The following MCC variants were observed in gnomAD, a reference collection of about 807,000 sequenced individuals.
MCC encodes the protein colorectal mutant cancer protein.
MCC carries 90 observed loss-of-function variants against 116.2 expected under a neutral mutation model. The ratio of observed to expected loss-of-function variants is 0.77; its 90% CI spans 0.65 to 0.92. MCC has a LOEUF of 0.92. Among genes scored for constraint, MCC ranks in the 40% least tolerant of loss-of-function variants. MCC has a pLI of 0.00. For synonymous variants in MCC, 578 were observed against 510.5 expected (o/e 1.13, Z -1.78); for missense variants, 1,516 against 1,312.2 (o/e 1.16, Z -2.40).
chr5:113,063,064 T>C (rs1219523498), intron 14 of MCC, among the ~76,000 whole-genome samples: 1 of 152,220 alleles, frequency 6.6e-6, no homozygotes, highest in African/African-American at 2.4e-5. Context: ...CAGGTTTCCC[T>C]CTTATCACCA....
intron 1 of MCC, chr5:113,436,805 C>G (rs1161438159): frequency 6.6e-6 from 1 of 152,152 alleles, no homozygotes; most frequent in African/African-American, 2.4e-5. Flanking sequence ...AGAGACAGTC[C>G]CTTCTATTGA....
At chr5:113,474,004 T>C (rs974235330) in intron 1 of MCC, among the ~76,000 whole-genome samples, 1 of 152,234 alleles carries the variant, frequency 6.6e-6, no homozygotes, top group African/African-American at 2.4e-5. Context: ...GACCAGTTAG[T>C]AGCAGGGGCA....
chr5:113,238,740 C>T (rs1764246820), intron 3 of MCC, among the ~76,000 whole-genome samples: 1 of 152,288 alleles, frequency 6.6e-6, no homozygotes, highest in East Asian at 1.9e-4. Flanking sequence ...TCCATTCTTA[C>T]CATGGTTTGC....
At chr5:113,246,481 T>C (rs1040744089) in intron 3 of MCC, among the ~76,000 whole-genome samples, 3 of 151,672 alleles carry the variant, frequency 2.0e-5, no homozygotes, top group Admixed American at 2.0e-4. Flanking sequence ...GGGCGAGGGG[T>C]TGTGTAGGAG....
At chr5:113,275,713 C>T (rs571557025) in intron 3 of MCC, among the ~76,000 whole-genome samples, 1 of 152,250 alleles carries the variant, frequency 6.6e-6, no homozygotes, top group Non-Finnish European at 1.5e-5. Context: ...AGCATTCACA[C>T]TGTATTAGCT....
At chr5:113,292,651 C>A (rs145144789) in intron 3 of MCC, among the ~76,000 whole-genome samples, 13 of 152,252 alleles carry the variant, frequency 8.5e-5, no homozygotes, top group Non-Finnish European at 1.9e-4. Flanking sequence ...CAAGGACGTG[C>A]CAATAGGACT....
chr5:113,086,776 T>C (rs1041525604), intron 8 of MCC, among the ~76,000 whole-genome samples: 8 of 149,494 alleles, frequency 5.4e-5, no homozygotes, highest in Non-Finnish European at 1.0e-4. Context: ...CATCAGACTT[T>C]GTCGGGCTGG....
At position 113,265,853 on chromosome 5, in the gene MCC, C is replaced by T. The variant is rs546087820; in HGVS notation, c.627+74666G>A. 2.5e-3 allele frequency among the ~76,000 whole-genome samples: 386 copies of T among 152,216 alleles called. 2 individuals are homozygous for T. Among genetic ancestry groups the T allele is most frequent in the Non-Finnish European group, 4.5e-3 (306 of 68,004 alleles). On this transcript the variant is annotated intron_variant, in intron 3 of 18. Transcript: ENST00000408903. Reference sequence around the variant, plus strand: ...AAATGCCCGGGAGACAGGTCAAATTCACACGTCTAAGTGTAACAGTGTAAA... The same window carrying T: ...AAATGCCCGGGAGACAGGTCAAATTTACACGTCTAAGTGTAACAGTGTAAA...
At chr5:113,421,850 A>G (rs1770345957) in intron 1 of MCC, among the ~76,000 whole-genome samples, 1 of 152,168 alleles carries the variant, frequency 6.6e-6, no homozygotes, top group Admixed American at 6.5e-5. Context: ...GAAATAGTCA[A>G]TTTCCTAGGA....
At chr5:113,167,894 T>C (rs1367238414) in intron 3 of MCC, among the ~76,000 whole-genome samples, 1 of 152,158 alleles carries the variant, frequency 6.6e-6, no homozygotes, top group African/African-American at 2.4e-5. Context: ...CCTCTCAAAG[T>C]GCTGGGATTA....
chr5:113,032,323 G>A (rs1473212435), intron 17 of MCC, among the ~76,000 whole-genome samples: 3 of 150,664 alleles, frequency 2.0e-5, no homozygotes, highest in African/African-American at 4.9e-5. Flanking sequence ...CAGGAGAATC[G>A]CTTGAACCTG....
In MCC at chr5:113,385,095, G is replaced by A. The variant is rs144184307; in HGVS notation, c.288C>T (p.Cys96=). Residue 96 remains cysteine, a synonymous_variant, in exon 2 of 19, where the codon TGC becomes TGT. Coordinates refer to ENST00000408903, the MANE Select transcript of MCC (RefSeq NM_001085377.2). ...GKISFQDFTR[C]RMQLVREIRK... is the part of the protein sequence containing the mutation. ...TAATTTCTCGAACAAGCTGCATGCG[G>A]CATCTTGTGAAATCCTGAAAGGAAA... is the stretch of plus-strand genomic sequence containing the variant. 1,336 of 1,614,174 alleles carry A rather than the reference G, an allele frequency of 8.3e-4. 12 individuals are homozygous for A. The highest frequency in any genetic ancestry group is 7.8e-3 in the South Asian group (708 of 91,082).
intron 3 of MCC, among the ~76,000 whole-genome samples, chr5:113,246,779 C>T (rs1022768929): frequency 2.6e-5 from 4 of 152,218 alleles, no homozygotes; most frequent in African/African-American, 9.6e-5. Flanking sequence ...GCACTCTACT[C>T]TCCTTGTTTA....
intron 2 of MCC, among the ~76,000 whole-genome samples, chr5:113,370,411 G>A (rs753520945): frequency 2.0e-5 from 3 of 152,144 alleles, no homozygotes; most frequent in Non-Finnish European, 4.4e-5. Flanking sequence ...GAAATTAACA[G>A]AAACGTCACA....
chr5:113,090,625 A>G (rs1755556822), intron 8 of MCC, among the ~76,000 whole-genome samples: 1 of 152,240 alleles, frequency 6.6e-6, no homozygotes, highest in Non-Finnish European at 1.5e-5. Context: ...TATAATGTAT[A>G]CAAAGAGAGG....
At chr5:113,400,112 A>ATTTTTTTTT (rs1769640022) in intron 1 of MCC, 1 of 50,910 alleles carries the variant, frequency 2.0e-5, no homozygotes. Flanking sequence ...CTCCTTTTTT[A>ATTTTTTTTT]CTTTTTTTTT....
intron 3 of MCC, among the ~76,000 whole-genome samples, chr5:113,202,799 A>C (rs1473937756): frequency 2.7e-5 from 4 of 150,926 alleles, no homozygotes; most frequent in African/African-American, 9.7e-5. Flanking sequence ...AAAAAAAAAA[A>C]AAAAACTTTT....
chr5:113,453,107 G>A (rs1771446502), intron 1 of MCC, among the ~76,000 whole-genome samples: 2 of 152,198 alleles, frequency 1.3e-5, no homozygotes, highest in Admixed American at 1.3e-4. Flanking sequence ...GGTTGTTTAT[G>A]TGACTGTCTC....
intron 15 of MCC, 117 bp from the exon 16 acceptor site, chr5:113,049,416 T>G: frequency 2.5e-6 from 2 of 798,790 alleles, no homozygotes; most frequent in Non-Finnish European, 3.9e-6. Context: ...CATGGTAGAG[T>G]TCTCACTTTG....
Sources: allele counts gnomAD v4.1 joint callset (sites outside exome capture counted in the v4.1 genomes callset), GRCh38; gene constraint gnomAD v4.1.1; transcripts MANE v1.5; gene names NCBI Gene and HGNC (gene_info 2026-07-23, HGNC 2026-07-21).